The following ATRNL1 variants were observed in gnomAD, a reference collection of about 807,000 sequenced individuals.
ATRNL1 encodes the protein attractin like 1.
In ATRNL1, 95 loss-of-function variants were observed where a neutral mutation model predicts 182.7. The ratio of observed to expected loss-of-function variants is 0.52; its 90% confidence interval spans 0.44 to 0.62. The LOEUF (loss-of-function observed/expected upper bound fraction) is 0.62, where lower values mean the gene tolerates loss of function less well. Ranked by LOEUF, ATRNL1 falls within the 20% of genes least tolerant of loss-of-function variation. The pLI, the probability that ATRNL1 is intolerant of heterozygous loss-of-function variation, is 0.00. For synonymous variants in ATRNL1, 576 were observed against 568.3 expected (o/e 1.01, Z -0.19); for missense variants, 1,471 against 1,679.5 (o/e 0.88, Z 2.17).
At chr10:115,268,011 T>C (rs1347334485) in intron 12 of ATRNL1, among the ~76,000 whole-genome samples, 1 of 152,138 alleles carries the variant, frequency 6.6e-6, no homozygotes, top group African/African-American at 2.4e-5. Context: ...TCCGTCTACC[T>C]TGGCTTTTAA....
At chr10:115,604,210 T>C (rs1268780379) in intron 26 of ATRNL1, among the ~76,000 whole-genome samples, 1 of 152,214 alleles carries the variant, frequency 6.6e-6, no homozygotes, top group African/African-American at 2.4e-5. Context: ...TTTGGTTGTA[T>C]TTTTAATAAG....
At chr10:115,575,513 A>G (rs12258177) in intron 26 of ATRNL1, among the ~76,000 whole-genome samples, 3,588 of 152,118 alleles carry the variant, frequency 0.024, 145 homozygotes, top group African/African-American at 0.082. Context: ...TTTTACTTTC[A>G]TTTCATTGTT....
At chr10:115,459,725 G>A (rs1847701653) in intron 21 of ATRNL1, among the ~76,000 whole-genome samples, 1 of 152,048 alleles carries the variant, frequency 6.6e-6, no homozygotes, top group African/African-American at 2.4e-5. Flanking sequence ...TTAAGTACTT[G>A]ATGTCTGTCA....
intron 5 of ATRNL1, among the ~76,000 whole-genome samples, chr10:115,137,776 C>T (rs1450134458): frequency 2.6e-5 from 4 of 152,230 alleles, no homozygotes; most frequent in African/African-American, 9.6e-5. Context: ...CATTCTGCCA[C>T]TGGCCCCTCC....
Position 115,132,539 on chromosome 10 carries a change from TC to T in ATRNL1, c.829+3007del, listed in dbSNP as rs566182336. Among the ~76,000 whole-genome samples the T allele has an allele frequency of 2.1e-3, 323 of 152,298 alleles. 1 individual carries two copies. The highest frequency in any genetic ancestry group is 5.8e-3 in the African/African-American group (243 of 41,550). Reference sequence around the variant, plus strand: ...CCACAATGGTTGAACTAGTTTACAGTCCCACCAACAGTGTAAAAGTGTTCCT... The same window carrying T: ...CCACAATGGTTGAACTAGTTTACAGTCCACCAACAGTGTAAAAGTGTTCCT... On this transcript the variant is annotated intron_variant, in intron 5 of 28. Transcript: ENST00000355044.
chr10:115,583,614 T>C (rs1485422738), intron 26 of ATRNL1, among the ~76,000 whole-genome samples: 3 of 132,686 alleles, frequency 2.3e-5, no homozygotes, highest in African/African-American at 7.6e-5. Flanking sequence ...TCCTGAAACT[T>C]CGCTGAAGTT....
intron 18 of ATRNL1, among the ~76,000 whole-genome samples, chr10:115,329,359 C>A (rs1554934357): frequency 6.6e-6 from 1 of 152,054 alleles, no homozygotes; most frequent in East Asian, 1.9e-4. Context: ...GTGAATTCTG[C>A]AGCTTTTGGA....
rs183965596 is a variant in ATRNL1 at position 115,219,244 on chromosome 10, A to G, written c.1532+3364A>G. Among the ~76,000 whole-genome samples, 688 of 151,918 alleles carry G rather than the reference A, an allele frequency of 4.5e-3. 5 individuals carry two copies. Among genetic ancestry groups the G allele is most frequent in the South Asian group, 9.8e-3 (47 of 4,820 alleles). ...GAGACTCCATCTCAAAAAAAAAAAA[A>G]AAAAAGAAAAAGGGATGACGTGTGT... is the stretch of plus-strand genomic sequence containing the variant. On this transcript the variant is annotated intron_variant, in intron 9 of 28. Transcript: ENST00000355044.
At chr10:115,860,000 A>G (rs1212453714) in intron 28 of ATRNL1, among the ~76,000 whole-genome samples, 9 of 152,176 alleles carry the variant, frequency 5.9e-5, no homozygotes, top group African/African-American at 2.2e-4. Flanking sequence ...AGCATAGCCC[A>G]TGCAAGTTGA....
intron 25 of ATRNL1, among the ~76,000 whole-genome samples, chr10:115,543,346 TA>T (rs1554992632): frequency 6.6e-6 from 1 of 152,212 alleles, no homozygotes; most frequent in Non-Finnish European, 1.5e-5. Flanking sequence ...TATTGCATTT[TA>T]AGTTAGAAGT....
At chr10:115,253,052 A>G (rs1193714687) in intron 10 of ATRNL1, among the ~76,000 whole-genome samples, 1 of 152,174 alleles carries the variant, frequency 6.6e-6, no homozygotes, top group Non-Finnish European at 1.5e-5. Flanking sequence ...TTCTTACTTT[A>G]GTATACCATT....
chr10:115,747,585 T>C (rs1425630351), intron 27 of ATRNL1, among the ~76,000 whole-genome samples: 1 of 152,038 alleles, frequency 6.6e-6, no homozygotes, highest in African/African-American at 2.4e-5. Flanking sequence ...TGTTTTTGAA[T>C]TTAGAGTGGT....
chr10:115,495,029 G>T (rs781802493), intron 24 of ATRNL1, among the ~76,000 whole-genome samples: 1 of 151,936 alleles, frequency 6.6e-6, no homozygotes. Context: ...TTATTTGTCT[G>T]TTCAGCAATC....
intron 22 of ATRNL1, among the ~76,000 whole-genome samples, chr10:115,464,940 TCA>T (rs1390316961): frequency 6.6e-6 from 1 of 151,708 alleles, no homozygotes; most frequent in African/African-American, 2.4e-5. Context: ...ATATACCCTG[TCA>T]CTATACCTAA....
intron 5 of ATRNL1, among the ~76,000 whole-genome samples, chr10:115,140,098 A>G (rs1298093766): frequency 6.6e-6 from 1 of 152,224 alleles, no homozygotes; most frequent in Non-Finnish European, 1.5e-5. Context: ...GAATGGAGAG[A>G]AAGAATTGTA....
At chr10:115,548,909 G>A (rs1444715935) in intron 25 of ATRNL1, among the ~76,000 whole-genome samples, 1 of 152,008 alleles carries the variant, frequency 6.6e-6, no homozygotes, top group Non-Finnish European at 1.5e-5. Flanking sequence ...TCTAGACATT[G>A]CCAAATGATT....
chr10:115,601,298 T>A (rs1465597687), intron 26 of ATRNL1, among the ~76,000 whole-genome samples: 1 of 152,174 alleles, frequency 6.6e-6, no homozygotes, highest in East Asian at 1.9e-4. Flanking sequence ...GTTTTATGGC[T>A]CAGAATATGA....
At chr10:115,468,630 T>G (rs1554971388) in intron 23 of ATRNL1, among the ~76,000 whole-genome samples, 1 of 150,882 alleles carries the variant, frequency 6.6e-6, no homozygotes. Context: ...AATTGTGGCC[T>G]CCACCCAATT....
intron 2 of ATRNL1, 31 bp from the exon 3 acceptor site, chr10:115,121,668 A>C: frequency 9.8e-7 from 1 of 1,020,700 alleles, no homozygotes; most frequent in Middle Eastern, 2.8e-4. Context: ...TGTATATTTT[A>C]ATTTGAAAAA....
Sources: allele counts gnomAD v4.1 joint callset (sites outside exome capture counted in the v4.1 genomes callset), GRCh38; gene constraint gnomAD v4.1.1; transcripts MANE v1.5; gene names NCBI Gene and HGNC (gene_info 2026-07-23, HGNC 2026-07-21).